CNTNAP5: variants seen among roughly 807,000 people sequenced by gnomAD.
CNTNAP5 encodes the protein contactin-associated protein-like 5.
Under a neutral mutation model 150.2 loss-of-function variants are expected in CNTNAP5, and 72 were observed. That is an observed-to-expected ratio of 0.48 (90% confidence interval 0.40 to 0.58). The LOEUF is 0.58. Ranked by LOEUF, CNTNAP5 falls within the 20% of genes least tolerant of loss-of-function variation. CNTNAP5 has a pLI of 0.00. For synonymous variants in CNTNAP5, 672 were observed against 619.8 expected, an observed-to-expected ratio of 1.08 and a Z score of -1.25; for missense variants, 1,636 against 1,626.2, an observed-to-expected ratio of 1.01 and a Z score of -0.10.
intron 3 of CNTNAP5, among the ~76,000 whole-genome samples, chr2:124,377,160 A>G (rs918232748): frequency 1.3e-5 from 2 of 152,284 alleles, no homozygotes; most frequent in East Asian, 3.9e-4. Context: ...TGCAGTAGAC[A>G]GAACTCAGGC....
intron 1 of CNTNAP5, among the ~76,000 whole-genome samples, chr2:124,194,092 G>A (rs769885956): frequency 2.0e-5 from 3 of 152,116 alleles, no homozygotes; most frequent in Non-Finnish European, 2.9e-5. Flanking sequence ...GCCTTGGCGG[G>A]CATATCCAGA....
chr2:124,255,567 AATAAAATAAAATAAAATAAT>A (rs1187888184), intron 3 of CNTNAP5, among the ~76,000 whole-genome samples: 1 of 93,208 alleles, frequency 1.1e-5, no homozygotes, highest in African/African-American at 4.5e-5. Context: ...AATAAAATAA[AATAAAATAAAATAAAATAAT>A]AATTTTTTTT....
At chr2:124,181,134 T>A (rs75820818) in intron 1 of CNTNAP5, among the ~76,000 whole-genome samples, 11,290 of 151,330 alleles carry the variant, frequency 0.075, 591 homozygotes, top group Non-Finnish European at 0.11. Flanking sequence ...CGATGTAATT[T>A]TGTATTTAAT....
chr2:124,053,272 G>C (rs1341276268), intron 1 of CNTNAP5, among the ~76,000 whole-genome samples: 1 of 152,152 alleles, frequency 6.6e-6, no homozygotes, highest in Non-Finnish European at 1.5e-5. Flanking sequence ...ATCAGATTCA[G>C]CCACTAGAAA....
chr2:124,486,804 C>T (rs1384251941), intron 7 of CNTNAP5, among the ~76,000 whole-genome samples: 2 of 152,066 alleles, frequency 1.3e-5, no homozygotes, highest in East Asian at 3.9e-4. Context: ...AATAGTGAAA[C>T]TACTACTTTT....
intron 21 of CNTNAP5, among the ~76,000 whole-genome samples, chr2:124,901,614 T>A (rs1319366458): frequency 1.3e-5 from 2 of 152,142 alleles, no homozygotes; most frequent in Non-Finnish European, 2.9e-5. Flanking sequence ...TTTAGCCCAA[T>A]GAGATCGATG....
intron 10 of CNTNAP5, among the ~76,000 whole-genome samples, chr2:124,557,662 G>A (rs562334749): frequency 2.0e-5 from 3 of 152,230 alleles, no homozygotes; most frequent in South Asian, 4.2e-4. Context: ...AGAGTATCTA[G>A]TGTGTCAGAA....
At chr2:124,474,050 C>G (rs1693581925) in intron 6 of CNTNAP5, among the ~76,000 whole-genome samples, 1 of 152,084 alleles carries the variant, frequency 6.6e-6, no homozygotes, top group South Asian at 2.1e-4. Flanking sequence ...GTATTTCCTC[C>G]CAGACTATGC....
chr2:124,827,390 G>T (rs1682618883), intron 19 of CNTNAP5, among the ~76,000 whole-genome samples: 1 of 152,140 alleles, frequency 6.6e-6, no homozygotes, highest in Admixed American at 6.5e-5. Flanking sequence ...CCTTGTACTG[G>T]TCCTCTCTGA....
At chr2:124,553,086 G>A (rs1270144938) in intron 10 of CNTNAP5, among the ~76,000 whole-genome samples, 1 of 152,172 alleles carries the variant, frequency 6.6e-6, no homozygotes, top group Non-Finnish European at 1.5e-5. Context: ...AGATATATAA[G>A]TTAAGTTTTT....
chr2:124,452,622 G>A (rs1050751242), intron 6 of CNTNAP5, among the ~76,000 whole-genome samples: 24 of 152,164 alleles, frequency 1.6e-4, no homozygotes, highest in African/African-American at 5.6e-4. Context: ...CAAAGCTGCA[G>A]ATCCTCACAG....
At chr2:124,266,661 TTGAC>T (rs1687613876) in intron 3 of CNTNAP5, among the ~76,000 whole-genome samples, 1 of 152,194 alleles carries the variant, frequency 6.6e-6, no homozygotes, top group South Asian at 2.1e-4. Flanking sequence ...ATGATCATAT[TTGAC>T]TGATGTGTTA....
chr2:124,128,446 C>T (rs1273475646), intron 1 of CNTNAP5, among the ~76,000 whole-genome samples: 1 of 152,136 alleles, frequency 6.6e-6, no homozygotes, highest in Non-Finnish European at 1.5e-5. Context: ...AATAGGAACA[C>T]TTTTACACTG....
chr2:124,716,162 A>C lies in CNTNAP5; in HGVS notation c.2078-31067A>C, dbSNP rs533023572. 1.8e-4 allele frequency among the ~76,000 whole-genome samples: 28 copies of C among 152,276 alleles called. No homozygotes were observed. In the South Asian group the frequency reaches 4.3e-3, roughly 24 times the overall value. ...TTTATATTTTTGCCAAGCCCCCTAC[A>C]AGGCCACTATCAATATGAAAAAATG... On this transcript the variant is annotated intron_variant, in intron 13 of 23. Coordinates refer to ENST00000682447, the MANE Select transcript of CNTNAP5 (RefSeq NM_001367498.1).
rs1053944921 is a variant in CNTNAP5, at chr2:124,496,917, A to G, written c.1063-7375A>G. Among the ~76,000 whole-genome samples, 5 of 152,162 alleles carry G rather than the reference A, an allele frequency of 3.3e-5. No individual in the cohort carries two copies. The South Asian group carries it at 6.2e-4, about 19-fold the overall frequency. On this transcript the variant is annotated intron_variant, in intron 7 of 23. Transcript: ENST00000682447. ...TTCTCCTTTCAGTCGTAGCCTATCC[A>G]TAGCTACCTGGATGTATAACCTCAG... is the stretch of plus-strand genomic sequence containing the variant.
intron 2 of CNTNAP5, among the ~76,000 whole-genome samples, chr2:124,234,290 G>A (rs1007091067): frequency 3.3e-5 from 5 of 152,110 alleles, no homozygotes; most frequent in Admixed American, 2.6e-4. Context: ...AAATTGAACT[G>A]AGCCTCTACT....
chr2:124,411,158 C>T (rs1213781120), intron 3 of CNTNAP5, among the ~76,000 whole-genome samples: 2 of 152,172 alleles, frequency 1.3e-5, no homozygotes, highest in African/African-American at 4.8e-5. Flanking sequence ...TGGACACATA[C>T]ACTCTCCCAA....
chr2:124,327,762 A>G (rs915763285), intron 3 of CNTNAP5, among the ~76,000 whole-genome samples: 1 of 152,224 alleles, frequency 6.6e-6, no homozygotes, highest in African/African-American at 2.4e-5. Context: ...GATCAAACCA[A>G]TGTAAATTTT....
Position 124,785,792 on chromosome 2 carries a change from G to A in CNTNAP5, c.2753-4110G>A, listed in dbSNP as rs187428025. On this transcript the variant is annotated intron_variant, in intron 17 of 23. Transcript: ENST00000682447. ...CTAGTTTCCAAAGGGTATCAAACAC[G>A]TACAGCAGAATCACATTTTCAAATT... 3.1e-4 allele frequency among the ~76,000 whole-genome samples: 47 copies of A among 152,292 alleles called. No individual in the cohort carries two copies. The East Asian group carries it at 8.1e-3, about 26-fold the overall frequency.
Sources: allele counts gnomAD v4.1 joint callset (sites outside exome capture counted in the v4.1 genomes callset), GRCh38; gene constraint gnomAD v4.1.1; transcripts MANE v1.5; gene names NCBI Gene and HGNC (gene_info 2026-07-23, HGNC 2026-07-21).